The following TMEM132B variants were observed in gnomAD, a reference collection of about 807,000 sequenced individuals.
The protein encoded by TMEM132B is transmembrane protein 132B.
In TMEM132B, 18 loss-of-function variants were observed where a neutral mutation model predicts 90.8. That is an observed-to-expected ratio of 0.20 (90% CI 0.14 to 0.29). The LOEUF (loss-of-function observed/expected upper bound fraction) is 0.29. TMEM132B is among the 10% of genes least tolerant of loss of function. The probability of loss-of-function intolerance (pLI) is 1.00; values close to 1 mark genes in which losing one functional copy is unlikely to be tolerated. For missense variants in TMEM132B, 1,096 were observed against 1,326.8 expected, an observed-to-expected ratio of 0.83 and a Z score of 2.70; for synonymous variants, 504 against 523.3, an observed-to-expected ratio of 0.96 and a Z score of 0.50.
Position 125,407,905 on chromosome 12 carries a change from C to T in TMEM132B, c.960-7626C>T, listed in dbSNP as rs966984725. On this transcript the variant is annotated intron_variant, in intron 2 of 8. Transcript: ENST00000682704. The surrounding 1 kb of genome is among the most constrained non-coding windows in gnomAD (Gnocchi z 6.7). ...TTTGAACTTCATATTGAACTGTAAC[C>T]TACATGCAGAAGAGTCCACATAAGC... Among the ~76,000 whole-genome samples the T allele has an allele frequency of 9.9e-5, 15 of 152,202 alleles. No individual in the cohort carries two copies. Among genetic ancestry groups the T allele is most frequent in the African/African-American group, 3.6e-4 (15 of 41,454 alleles).
rs1378338754 is a variant in TMEM132B at position 125,659,307 on chromosome 12, G to C, written c.*4597G>C. 6.6e-6 allele frequency: 1 copy of C among 152,206 alleles called. No individual in the cohort carries two copies. Among genetic ancestry groups the C allele is most frequent in the Non-Finnish European group, 1.5e-5 (1 of 68,058 alleles). The allele number at this position is 152,206 out of a possible 1,614,324, so 9.4% of individuals were successfully genotyped here. A position where few individuals can be genotyped will look rare whatever the true frequency, so the allele number is the denominator to read the frequency against. On this transcript the variant is annotated 3_prime_UTR_variant, in exon 9 of 9. Transcript: ENST00000682704. ...TCCTGTTTCTCATGGCCCCGTCCAG[G>C]GTCAAACCATGTTGAAAGTCAGTGC...
intron 1 of TMEM132B, among the ~76,000 whole-genome samples, chr12:125,274,364 A>G (rs1206882938): frequency 6.6e-6 from 1 of 152,190 alleles, no homozygotes; most frequent in Non-Finnish European, 1.5e-5. Context: ...GTGTATCCCA[A>G]CACAGACAGG....
intron 4 of TMEM132B, among the ~76,000 whole-genome samples, chr12:125,528,512 A>G (rs560660835): frequency 6.6e-6 from 1 of 152,332 alleles, no homozygotes; most frequent in Non-Finnish European, 1.5e-5. Flanking sequence ...TATTCCAGAC[A>G]GCGTTTGTAT....
At chr12:125,511,176 T>G (rs1882968175) in intron 3 of TMEM132B, among the ~76,000 whole-genome samples, 1 of 152,242 alleles carries the variant, frequency 6.6e-6, no homozygotes, top group African/African-American at 2.4e-5. Flanking sequence ...GTGACTGGCT[T>G]CTTTCACTTA....
At chr12:125,280,130 A>G (rs1169277563) in intron 1 of TMEM132B, among the ~76,000 whole-genome samples, 2 of 152,212 alleles carry the variant, frequency 1.3e-5, no homozygotes, top group Admixed American at 6.5e-5. Context: ...GACACTTGGG[A>G]TCCTCCAAAA....
chr12:125,249,584 C>T (rs1874273816), intron 1 of TMEM132B, among the ~76,000 whole-genome samples: 1 of 152,214 alleles, frequency 6.6e-6, no homozygotes, highest in South Asian at 2.1e-4. Context: ...ATGTAATCAT[C>T]ACTGTGTCAT....
At chr12:125,532,201 A>T (rs1480998947) in intron 4 of TMEM132B, among the ~76,000 whole-genome samples, 1 of 152,230 alleles carries the variant, frequency 6.6e-6, no homozygotes, top group Non-Finnish European at 1.5e-5. Context: ...GCGAAAGGGA[A>T]AAATAGACCC....
chr12:125,221,897 G>C (rs1873567669), intron 1 of TMEM132B, among the ~76,000 whole-genome samples: 1 of 152,174 alleles, frequency 6.6e-6, no homozygotes, highest in African/African-American at 2.4e-5. Context: ...GTGGGCTGGA[G>C]CCCAACTAGC....
At chr12:125,242,635 G>A (rs960473911) in intron 1 of TMEM132B, among the ~76,000 whole-genome samples, 4 of 152,166 alleles carry the variant, frequency 2.6e-5, no homozygotes, top group South Asian at 2.1e-4. Flanking sequence ...GAGGAACCCC[G>A]TGCACTTGAG....
chr12:125,467,266 G>A lies in TMEM132B; in HGVS notation c.1106+51589G>A, dbSNP rs1881587684. Among the ~76,000 whole-genome samples the A allele has an allele frequency of 2.6e-5, 4 of 152,190 alleles. No homozygotes were observed. The South Asian group carries it at 8.3e-4, about 32-fold the overall frequency. Reference sequence around the variant, plus strand: ...AGATAGACAGATGGAGAGAGATGGTGGGGTTGGGGATGGGGAAGTGGTGAA... The same window carrying A: ...AGATAGACAGATGGAGAGAGATGGTAGGGTTGGGGATGGGGAAGTGGTGAA... On this transcript the variant is annotated intron_variant, in intron 3 of 8. Coordinates refer to ENST00000682704, the MANE Select transcript of TMEM132B (RefSeq NM_001366854.1).
chr12:125,454,392 T>TGTGTGTGTG (rs1555250638), intron 3 of TMEM132B, among the ~76,000 whole-genome samples: 91 of 112,082 alleles, frequency 8.1e-4, no homozygotes, highest in African/African-American at 2.5e-3. Context: ...GTGTGTGTGT[T>TGTGTGTGTG]TGTGTGTGTG....
intron 5 of TMEM132B, among the ~76,000 whole-genome samples, chr12:125,594,348 C>T (rs1244336841): frequency 6.6e-6 from 1 of 152,192 alleles, no homozygotes; most frequent in Non-Finnish European, 1.5e-5. Context: ...ACAACTAATG[C>T]TGCGATAAAC....
intron 3 of TMEM132B, among the ~76,000 whole-genome samples, chr12:125,457,951 G>A (rs1431143501): frequency 1.3e-5 from 2 of 152,164 alleles, no homozygotes; most frequent in African/African-American, 4.8e-5. Context: ...TGGAAAGCAA[G>A]GCCTGCTGTG....
rs537895838 is a variant in TMEM132B, at chr12:125,580,024, G to A, written c.1294-3827G>A. Among the ~76,000 whole-genome samples, 145 of 152,052 alleles carry A rather than the reference G, an allele frequency of 9.5e-4. 1 individual carries two copies. Among genetic ancestry groups the A allele is most frequent in the Non-Finnish European group, 9.1e-4 (62 of 68,014 alleles). ...ATAAAGTCTCTGCTTGGTTAGCTTG[G>A]TGGTCAGCCAATGATTAGGCAGAGT... On this transcript the variant is annotated intron_variant, in intron 4 of 8. Coordinates refer to ENST00000682704, the MANE Select transcript of TMEM132B (RefSeq NM_001366854.1).
At chr12:125,326,729 C>G (rs1331040524) in intron 1 of TMEM132B, 3 of 1,552,918 alleles carry the variant, frequency 1.9e-6, no homozygotes, top group Non-Finnish European at 2.6e-6. Flanking sequence ...GGACCAGACC[C>G]AAGGGGAGGT....
intron 3 of TMEM132B, among the ~76,000 whole-genome samples, chr12:125,487,049 T>C (rs566818743): frequency 1.0e-3 from 159 of 152,322 alleles, no homozygotes; most frequent in Middle Eastern, 3.4e-3. Flanking sequence ...GAAGCTCTCA[T>C]CTGCTTGAGA....
chr12:125,553,353 C>T (rs571774750), intron 4 of TMEM132B, among the ~76,000 whole-genome samples: 9 of 152,328 alleles, frequency 5.9e-5, no homozygotes, highest in South Asian at 4.1e-4. Flanking sequence ...CAAAGAGCCC[C>T]GTCCTTGTGA....
chr12:125,316,684 A>AG (rs1259968615), intron 1 of TMEM132B, among the ~76,000 whole-genome samples: 1 of 151,770 alleles, frequency 6.6e-6, no homozygotes, highest in East Asian at 1.9e-4. Context: ...ATTCCGGAAG[A>AG]GGGGGCAGGA....
In TMEM132B at chr12:125,407,825, CCA is replaced by C. The variant is rs1358312663; in HGVS notation, c.960-7704_960-7703del. Among the ~76,000 whole-genome samples the C allele has an allele frequency of 6.6e-6, 1 of 152,210 alleles. No individual in the cohort carries two copies. The highest frequency in any genetic ancestry group is 6.5e-5 in the Admixed American group (1 of 15,286). The stretch of plus-strand genomic sequence containing the variant: ...CCAGTGAACGTGGGCAGTGGTGGAG[CCA>C]CCATGTCCTCCTGGCTCTGACTTAC... On this transcript the variant is annotated intron_variant, in intron 2 of 8. Transcript: ENST00000682704. This position sits in a 1 kb window ranked among gnomAD's most constrained non-coding sequence, Gnocchi z 6.7.
Sources: gnomAD v4.1 joint callset for allele counts (sites outside exome capture counted in the v4.1 genomes callset) on GRCh38, gnomAD v4.1.1 for gene constraint, Gnocchi (gnomAD v3.1) non-coding constraint, MANE v1.5 for transcripts, NCBI Gene and HGNC (gene_info 2026-07-23, HGNC 2026-07-21) for gene names.